Variants in SP3 observed in about 807,000 individuals in gnomAD.
SP3 encodes the protein transcription factor Sp3.
In SP3, 10 loss-of-function variants were observed where a neutral mutation model predicts 70.3. The ratio of observed to expected loss-of-function variants is 0.14; its 90% CI spans 0.09 to 0.24. SP3 has a LOEUF of 0.24. Ranked by LOEUF, SP3 falls within the 10% of genes least tolerant of loss-of-function variation. The probability of loss-of-function intolerance (pLI) is 1.00; values close to 1 mark genes in which losing one functional copy is unlikely to be tolerated. For missense variants in SP3, 825 were observed against 914.6 expected, an observed-to-expected ratio of 0.90 and a Z score of 1.26; for synonymous variants, 402 against 333.5, an observed-to-expected ratio of 1.21 and a Z score of -2.24.
At chr2:173,911,885 C>T (rs931651313) in intron 6 of SP3, among the ~76,000 whole-genome samples, 1 of 138,514 alleles carries the variant, frequency 7.2e-6, no homozygotes, top group African/African-American at 2.8e-5. Flanking sequence ...GTGGCATGAC[C>T]TTGGCTCACT....
chr2:173,918,173 A>G (rs1416384133), intron 5 of SP3, among the ~76,000 whole-genome samples: 1 of 152,030 alleles, frequency 6.6e-6, no homozygotes, highest in Non-Finnish European at 1.5e-5. Flanking sequence ...AATTCAATCT[A>G]TTAAGGCTTA....
At chr2:173,951,633 T>C (rs1690714901) in intron 4 of SP3, among the ~76,000 whole-genome samples, 1 of 152,184 alleles carries the variant, frequency 6.6e-6, no homozygotes, top group African/African-American at 2.4e-5. Flanking sequence ...CTCACGGATA[T>C]CTACCTGGAA....
chr2:173,931,848 T>G (rs939343371), intron 4 of SP3, among the ~76,000 whole-genome samples: 3 of 152,150 alleles, frequency 2.0e-5, no homozygotes, highest in Non-Finnish European at 4.4e-5. Flanking sequence ...AATTGAAGAG[T>G]TAGGGGCCTT....
At chr2:173,935,819 T>TC (rs1361521167) in intron 4 of SP3, among the ~76,000 whole-genome samples, 1 of 150,836 alleles carries the variant, frequency 6.6e-6, no homozygotes, top group Non-Finnish European at 1.5e-5. Flanking sequence ...AGATCAGTTT[T>TC]CCCCTCACAA....
intron 4 of SP3, among the ~76,000 whole-genome samples, chr2:173,929,158 A>G (rs1050375215): frequency 2.0e-5 from 3 of 152,116 alleles, no homozygotes; most frequent in African/African-American, 7.2e-5. Context: ...AACGTGGCAA[A>G]TCACATTCTG....
intron 4 of SP3, among the ~76,000 whole-genome samples, chr2:173,924,728 G>T (rs1413728265): frequency 6.6e-6 from 1 of 152,206 alleles, no homozygotes; most frequent in African/African-American, 2.4e-5. Context: ...TATTGCTAAA[G>T]ATCAACTCCC....
At chr2:173,940,486 G>C (rs1161971361) in intron 4 of SP3, among the ~76,000 whole-genome samples, 1 of 152,136 alleles carries the variant, frequency 6.6e-6, no homozygotes, top group African/African-American at 2.4e-5. Flanking sequence ...TTGGCACCCG[G>C]GGGTGCAAGA....
chr2:173,904,663 T>C lies in SP3; in HGVS notation c.*5278A>G, dbSNP rs1216267371. 6.6e-6 allele frequency among the ~76,000 whole-genome samples: 1 copy of C among 152,216 alleles called. No individual in the cohort carries two copies. Among genetic ancestry groups the C allele is most frequent in the Non-Finnish European group, 1.5e-5 (1 of 68,048 alleles). ...AATTCCAAATTCTCAGGAGAAATCATCTAATTGGCTCAACTTTGACCAGAT... is the reference window on the plus strand; with the variant it reads ...AATTCCAAATTCTCAGGAGAAATCACCTAATTGGCTCAACTTTGACCAGAT... On this transcript the variant is annotated 3_prime_UTR_variant, in exon 7 of 7. Transcript: ENST00000310015.
In SP3 at chr2:173,964,460, A is replaced by G. The variant is rs1691215253; in HGVS notation, c.101T>C (p.Leu34Pro). ...GTTTCCGTGCTGTTGCTGCTGCTGCAGATACTCGCCGTGGCCGCCGCCGCC... is the reference window on the plus strand; with the variant it reads ...GTTTCCGTGCTGTTGCTGCTGCTGCGGATACTCGCCGTGGCCGCCGCCGCC... ...GGGGGGHGEYLQQQQQHGNGA... is the reference protein window; with the variant it reads ...GGGGGGHGEYPQQQQQHGNGA... The change falls in exon 2 of 7, where the codon CTG (leucine) becomes CCG (proline). Residue 34 changes from leucine to proline, a missense_variant. By Grantham distance (98) the Leu-to-Pro change is moderately conservative. Around this residue, in one of 4 missense-constraint regions of SP3, gnomAD observed 678 missense variants for 651.6 expected, o/e 1.04. Transcript: ENST00000310015. 2 of 719,304 alleles carry G rather than the reference A, an allele frequency of 2.8e-6. No homozygotes were observed. The highest frequency in any genetic ancestry group is 5.1e-6 in the Non-Finnish European group (2 of 390,896). 44.6% of individuals were successfully genotyped at this position (719,304 alleles called of 1,614,324 possible). A position where few individuals can be genotyped will look rare whatever the true frequency, so the allele number is the denominator to read the frequency against.
Position 173,903,252 on chromosome 2 carries a change from T to G in SP3, c.*6689A>C, listed in dbSNP as rs1689220936. Among the ~76,000 whole-genome samples the G allele has an allele frequency of 6.6e-6, 1 of 152,168 alleles. No homozygotes were observed. Among genetic ancestry groups the G allele is most frequent in the Admixed American group, 6.5e-5 (1 of 15,288 alleles). ...CATTATGGAAAGTGGTTTACATGCA[T>G]TAACTTATTTATCTCCATAATCACT... is the stretch of plus-strand genomic sequence containing the variant. On this transcript the variant is annotated 3_prime_UTR_variant, in exon 7 of 7. Transcript: ENST00000310015.
rs1303403735 is a variant in SP3, at chr2:173,964,482, C to T, written c.79G>A (p.Gly27Ser). The T allele has an allele frequency of 1.3e-5, 9 of 702,762 alleles. 1 individual carries two copies. Among genetic ancestry groups the T allele is most frequent in the East Asian group, 5.7e-5 (2 of 35,288 alleles). The allele number at this position is 702,762 out of a possible 1,614,324, so 43.5% of individuals were successfully genotyped here. ...DVDSGGGGGG[G>S]GGHGEYLQQQ... Reference sequence around the variant, plus strand: ...TGCAGATACTCGCCGTGGCCGCCGCCGCCGCCACCGCCGCCGCCGCTATCC... The same window carrying T: ...TGCAGATACTCGCCGTGGCCGCCGCTGCCGCCACCGCCGCCGCCGCTATCC... The change falls in exon 2 of 7, where the codon GGC (glycine) becomes AGC (serine). Residue 27 changes from glycine to serine, a missense_variant. Coordinates refer to ENST00000310015, the MANE Select transcript of SP3 (RefSeq NM_003111.5).
At chr2:173,927,189 C>T (rs1375125188) in intron 4 of SP3, among the ~76,000 whole-genome samples, 1 of 152,094 alleles carries the variant, frequency 6.6e-6, no homozygotes, top group Admixed American at 6.5e-5. Context: ...GATCAAATCA[C>T]CTTCCATCAA....
At position 173,902,739 on chromosome 2, in the gene SP3, T is replaced by C. The variant is rs1173152473; in HGVS notation, c.*7202A>G. On this transcript the variant is annotated 3_prime_UTR_variant, in exon 7 of 7. Coordinates refer to ENST00000310015, the MANE Select transcript of SP3 (RefSeq NM_003111.5). ...ACAGAATGATACCATTTATATGAAG[T>C]TTCAAAATCAGAAAAACAATCCTAG... is the stretch of plus-strand genomic sequence containing the variant. 6.6e-6 allele frequency among the ~76,000 whole-genome samples: 1 copy of C among 152,072 alleles called. No individual in the cohort carries two copies. The highest frequency in any genetic ancestry group is 1.5e-5 in the Non-Finnish European group (1 of 68,002).
intron 4 of SP3, among the ~76,000 whole-genome samples, chr2:173,932,708 G>A (rs544954819): frequency 9.2e-5 from 14 of 152,154 alleles, no homozygotes; most frequent in Non-Finnish European, 8.8e-5. Flanking sequence ...TAATAATAAT[G>A]AAGGTCGGGC....
rs1689187819 is a variant in SP3 at position 173,901,419 on chromosome 2, T to G, written c.*8522A>C. Among the ~76,000 whole-genome samples, 1 of 152,060 alleles carries G rather than the reference T, an allele frequency of 6.6e-6. No homozygotes were observed. Among genetic ancestry groups the G allele is most frequent in the Admixed American group, 6.5e-5 (1 of 15,272 alleles). ...TATATCTTATATATAAAATAATATGTACCTGGGATTAATTAAGAATGTTTG... is the reference window on the plus strand; with the variant it reads ...TATATCTTATATATAAAATAATATGGACCTGGGATTAATTAAGAATGTTTG... On this transcript the variant is annotated 3_prime_UTR_variant, in exon 7 of 7. Transcript: ENST00000310015.
rs1199233271 is a variant in SP3, at chr2:173,909,717, T to C, written c.*224A>G. 1 of 389,888 alleles carries C rather than the reference T, an allele frequency of 2.6e-6. No homozygotes were observed. The highest frequency in any genetic ancestry group is 4.6e-6 in the Non-Finnish European group (1 of 215,772). 24.2% of individuals were successfully genotyped at this position (389,888 alleles called of 1,614,324 possible). On this transcript the variant is annotated 3_prime_UTR_variant, in exon 7 of 7. Transcript: ENST00000310015. The stretch of plus-strand genomic sequence containing the variant: ...TTATATAACTTGGTAAAATTTCATT[T>C]CTTCTAGATTCCAAAAGTACCTACA...
chr2:173,925,092 T>C (rs1175632828), intron 4 of SP3, among the ~76,000 whole-genome samples: 2 of 152,204 alleles, frequency 1.3e-5, no homozygotes, highest in African/African-American at 4.8e-5. Flanking sequence ...TTCGCCATGT[T>C]GGTCAGGCTG....
At chr2:173,961,914 C>T (rs1217658551) in intron 3 of SP3, among the ~76,000 whole-genome samples, 2 of 140,896 alleles carry the variant, frequency 1.4e-5, no homozygotes, top group Admixed American at 1.4e-4. Context: ...AGGTACCAGA[C>T]ATCATAAATA....
At chr2:173,923,338 A>C (rs541961949) in intron 4 of SP3, among the ~76,000 whole-genome samples, 2 of 152,258 alleles carry the variant, frequency 1.3e-5, no homozygotes, top group East Asian at 1.9e-4. Context: ...AAGAGAAAAA[A>C]ACAGAAAATT....
Sources: gnomAD v4.1 joint callset for allele counts (sites outside exome capture counted in the v4.1 genomes callset) on GRCh38, gnomAD v4.1.1 for gene constraint, gnomAD v4.1.1 regional missense constraint, MANE v1.5 for transcripts, NCBI Gene and HGNC (gene_info 2026-07-23, HGNC 2026-07-21) for gene names.